Variants in PPP4R1 observed in about 807,000 individuals in gnomAD.
PPP4R1 encodes protein phosphatase 4 regulatory subunit 1.
PPP4R1 carries 42 observed loss-of-function variants against 111.2 expected under a neutral mutation model. That is an observed-to-expected ratio of 0.38 (90% CI 0.29 to 0.49). The LOEUF (loss-of-function observed/expected upper bound fraction) is 0.49. Ranked by LOEUF, PPP4R1 falls within the 20% of genes least tolerant of loss-of-function variation. The pLI is 0.97. For synonymous variants in PPP4R1, 409 were observed against 405.5 expected (o/e 1.01, Z -0.10); for missense variants, 1,012 against 1,161.6 (o/e 0.87, Z 1.87).
intron 9 of PPP4R1, among the ~76,000 whole-genome samples, chr18:9,577,422 T>C (rs569144453): frequency 9.3e-4 from 142 of 152,326 alleles, no homozygotes; most frequent in Non-Finnish European, 1.5e-3. Context: ...CCCAGCACTC[T>C]GGGAGGCTGA....
At chr18:9,602,502 C>T (rs1445923276) in intron 2 of PPP4R1, among the ~76,000 whole-genome samples, 2 of 149,632 alleles carry the variant, frequency 1.3e-5, no homozygotes, top group Non-Finnish European at 3.0e-5. Flanking sequence ...GCCGAGATTG[C>T]GCCACTGCAC....
At chr18:9,550,487 G>T in intron 16 of PPP4R1, 89 bp from the exon 17 acceptor site, 1 of 1,398,786 alleles carries the variant, frequency 7.1e-7, no homozygotes, top group Non-Finnish European at 9.8e-7. Context: ...TGTAATACTG[G>T]ATTACTGAGC....
intron 9 of PPP4R1, among the ~76,000 whole-genome samples, chr18:9,579,253 T>A (rs1052182494): frequency 2.6e-5 from 4 of 152,242 alleles, no homozygotes; most frequent in African/African-American, 9.6e-5. Context: ...GATTTTAAGC[T>A]ATTATTTTTA....
Position 9,583,158 on chromosome 18 carries a change from A to G in PPP4R1, c.877T>C (p.Ser293Pro), listed in dbSNP as rs1367764491. The G allele has an allele frequency of 1.9e-6, 3 of 1,612,076 alleles. No individual in the cohort carries two copies. The highest frequency in any genetic ancestry group is 2.5e-6 in the Non-Finnish European group (3 of 1,178,660). ...CTGATCAAATTAATAAAAAGTGCTG[A>G]TAATTTGGTCCGTCGGATTTCTTGA... ...TCQEIRRTKL[S>P]ALFINLISDP... Residue 293 changes from serine (S) to proline (P), a missense_variant, in exon 9 of 20, where the codon TCA becomes CCA. Ser to Pro is a moderately conservative substitution (Grantham distance 74). Transcript: ENST00000400556.
At chr18:9,588,016 C>T (rs2067148888) in intron 6 of PPP4R1, 73 bp downstream of exon 6, 1 of 1,570,020 alleles carries the variant, frequency 6.4e-7, no homozygotes, top group Non-Finnish European at 8.7e-7. Flanking sequence ...CGTGCCTAAC[C>T]CCGGCCTGAC....
chr18:9,549,282 C>G lies in PPP4R1; in HGVS notation c.2604G>C (p.Pro868=). ...PMDQFAVHLM[P]HLLTLANDRV... ...TGTCATTTGCTAAGGTTAGCAGATG[C>G]GGCATGAGATGCACAGCAAACTGGT... The change falls in exon 19 of 20, where the codon CCG becomes CCC. Residue 868 remains proline, a synonymous_variant. Coordinates refer to ENST00000400556, the MANE Select transcript of PPP4R1 (RefSeq NM_001042388.3). 6.2e-7 allele frequency: 1 copy of G among 1,613,740 alleles called. No homozygotes were observed. The highest frequency in any genetic ancestry group is 1.1e-5 in the South Asian group (1 of 91,078).
chr18:9,580,119 C>T (rs1272914683), intron 9 of PPP4R1, among the ~76,000 whole-genome samples: 3 of 152,066 alleles, frequency 2.0e-5, no homozygotes, highest in East Asian at 1.9e-4. Flanking sequence ...AGAGTCTTGC[C>T]CTCTATGTCA....
intron 2 of PPP4R1, among the ~76,000 whole-genome samples, chr18:9,603,770 C>A (rs923287290): frequency 1.3e-5 from 2 of 152,162 alleles, no homozygotes; most frequent in African/African-American, 4.8e-5. Context: ...CAGGTGTGAG[C>A]CACCTTGCCT....
At position 9,593,810 on chromosome 18, in the gene PPP4R1, T is replaced by C; in HGVS notation, c.253A>G (p.Ile85Val). ...CTGCTAATTCTTTCCAAAACAGCAA[T>C]ACAATCTCTTTCATCATCGCAGACT... ...REVCDDERDC[I>V]AVLERISRLA... The change falls in exon 4 of 20, where the codon ATT (isoleucine) becomes GTT (valine). Residue 85 changes from isoleucine (I) to valine (V), a missense_variant. Physicochemically the swap from Ile to Val is conservative, Grantham distance 29. Coordinates refer to ENST00000400556, the MANE Select transcript of PPP4R1 (RefSeq NM_001042388.3). 1.2e-6 allele frequency: 2 copies of C among 1,613,918 alleles called. No individual in the cohort carries two copies. Among genetic ancestry groups the C allele is most frequent in the Non-Finnish European group, 1.7e-6 (2 of 1,179,912 alleles).
At chr18:9,555,315 T>C (rs1368231405) in intron 15 of PPP4R1, among the ~76,000 whole-genome samples, 3 of 151,644 alleles carry the variant, frequency 2.0e-5, no homozygotes, top group Admixed American at 6.6e-5. Flanking sequence ...ATAAGTAAGT[T>C]AATTAATTAA....
In PPP4R1 at chr18:9,594,847, A is replaced by G. The variant is rs60566979; in HGVS notation, c.188+171T>C. ...AGCATGTTGTATGCTTACTAGGATC[A>G]AAGAATAAACAAGTACAAAACTGCT... On this transcript the variant is annotated intron_variant, in intron 3 of 19. Transcript: ENST00000400556. 2.5e-3 allele frequency: 1,748 copies of G among 695,086 alleles called. 25 individuals are homozygous for G. The African/African-American group carries it at 0.029, about 11-fold the overall frequency. 43.1% of individuals were successfully genotyped at this position (695,086 alleles called of 1,614,324 possible).
At chr18:9,604,132 T>C (rs1012512571) in intron 2 of PPP4R1, among the ~76,000 whole-genome samples, 7 of 152,204 alleles carry the variant, frequency 4.6e-5, no homozygotes, top group African/African-American at 1.7e-4. Flanking sequence ...TATGGAAATT[T>C]TATGGAGAAA....
At position 9,584,503 on chromosome 18, in the gene PPP4R1, T is replaced by A; in HGVS notation, c.759+12A>T. 1 of 1,610,032 alleles carries A rather than the reference T, an allele frequency of 6.2e-7. No homozygotes were observed. Among genetic ancestry groups the A allele is most frequent in the African/African-American group, 1.3e-5 (1 of 74,854 alleles). ...CACACACTGTTTACTCCTTTATATC[T>A]GCAATACTTACCAACATTTCTTCAG... On this transcript the variant is annotated intron_variant, in intron 8 of 19. Transcript: ENST00000400556.
intron 7 of PPP4R1, 65 bp downstream of exon 7, chr18:9,584,656 G>A (rs1361375050): frequency 4.4e-6 from 7 of 1,599,800 alleles, no homozygotes; most frequent in African/African-American, 2.7e-5. Flanking sequence ...TAAATATCAT[G>A]TATCAGTACA....
Position 9,607,012 on chromosome 18 carries a change from A to G in PPP4R1, c.52+7214T>C, listed in dbSNP as rs144403572. ...CCAATCTTAAATAAATGAAGTATTG[A>G]ATAAATGAGTTATTTCTATCAAAAA... On this transcript the variant is annotated intron_variant, in intron 2 of 19. Coordinates refer to ENST00000400556, the MANE Select transcript of PPP4R1 (RefSeq NM_001042388.3). Among the ~76,000 whole-genome samples the G allele has an allele frequency of 1.7e-3, 262 of 152,324 alleles. 1 individual carries two copies. The highest frequency in any genetic ancestry group is 6.0e-3 in the African/African-American group (249 of 41,572).
At chr18:9,575,928 C>T (rs544316737) in intron 10 of PPP4R1, among the ~76,000 whole-genome samples, 5 of 152,274 alleles carry the variant, frequency 3.3e-5, no homozygotes, top group African/African-American at 1.2e-4. Context: ...TTTAAGTATG[C>T]TGATTTCAAA....
At chr18:9,610,487 G>T (rs1052466189) in intron 2 of PPP4R1, among the ~76,000 whole-genome samples, 1 of 150,990 alleles carries the variant, frequency 6.6e-6, no homozygotes, top group African/African-American at 2.4e-5. Flanking sequence ...TTTTTGAGAC[G>T]GAGTCTTGCT....
intron 2 of PPP4R1, among the ~76,000 whole-genome samples, chr18:9,608,768 G>T (rs1203331835): frequency 6.6e-6 from 1 of 152,050 alleles, no homozygotes; most frequent in Non-Finnish European, 1.5e-5. Flanking sequence ...ATAAAAAAAA[G>T]ATGTAATACA....
At chr18:9,575,199 G>C (rs2066918373) in intron 10 of PPP4R1, among the ~76,000 whole-genome samples, 1 of 152,200 alleles carries the variant, frequency 6.6e-6, no homozygotes. Flanking sequence ...TGAAAAACCT[G>C]AATCTAAGAA....
Sources: allele counts gnomAD v4.1 joint callset (sites outside exome capture counted in the v4.1 genomes callset), GRCh38; gene constraint gnomAD v4.1.1; transcripts MANE v1.5; gene names NCBI Gene and HGNC (gene_info 2026-07-23, HGNC 2026-07-21).